Variants in ZFP90 observed in about 807,000 individuals in gnomAD.
The protein encoded by ZFP90 is zinc finger protein 90 homolog.
A neutral mutation model predicts 60.8 loss-of-function variants in ZFP90; 38 were observed. That is an observed-to-expected ratio of 0.62 (90% CI 0.48 to 0.82). ZFP90 has a LOEUF of 0.82. Among genes scored for constraint, ZFP90 ranks in the 40% least tolerant of loss-of-function variants. The pLI is 0.00. For missense variants in ZFP90, 711 were observed against 759.1 expected (o/e 0.94, Z 0.74); for synonymous variants, 287 against 264.8 (o/e 1.08, Z -0.82).
chr16:68,567,406 A>G (rs2091543906), downstream of ZFP90, among the ~76,000 whole-genome samples: 1 of 152,170 alleles, frequency 6.6e-6, no homozygotes, highest in Admixed American at 6.6e-5. Context: ...TATTGACTGT[A>G]GGAACCTAAA....
rs34979386 is a variant in ZFP90, at chr16:68,564,841, A to ATTTT, written c.*152_*155dup. On this transcript the variant is annotated 3_prime_UTR_variant, in exon 5 of 5. Transcript: ENST00000563169. ...TGTGGAGAAAACTGCCAGTAGACAG[A>ATTTT]TTTTTTTTTTTTAACATAAAGACAC... The ATTTT allele has an allele frequency of 0.032, 42,284 of 1,334,868 alleles. 68 individuals are homozygous for ATTTT. The highest frequency in any genetic ancestry group is 0.035 in the Non-Finnish European group (35,794 of 1,037,476). 82.7% of individuals were successfully genotyped at this position (1,334,868 alleles called of 1,614,324 possible).
intron 2 of ZFP90, among the ~76,000 whole-genome samples, chr16:68,540,410 T>C (rs1030002980): frequency 6.6e-6 from 1 of 152,112 alleles, no homozygotes; most frequent in African/African-American, 2.4e-5. Flanking sequence ...TTAACAAAAA[T>C]GTAATAGAGC....
At chr16:68,558,937 A>C (rs903889842) in intron 4 of ZFP90, among the ~76,000 whole-genome samples, 2 of 152,100 alleles carry the variant, frequency 1.3e-5, no homozygotes, top group South Asian at 4.1e-4. Context: ...ACTTGTAGGA[A>C]ACACCCACAG....
At chr16:68,554,388 C>T (rs543181476) in intron 2 of ZFP90, among the ~76,000 whole-genome samples, 38 of 152,162 alleles carry the variant, frequency 2.5e-4, no homozygotes, top group African/African-American at 7.7e-4. Context: ...GTGATCCACC[C>T]GCCTCAGCCC....
In ZFP90 at chr16:68,545,246, A is replaced by G. The variant is rs62059530; in HGVS notation, c.33+5421A>G. Among the ~76,000 whole-genome samples, 688 of 152,062 alleles carry G rather than the reference A, an allele frequency of 4.5e-3. 4 individuals carry two copies. The highest frequency in any genetic ancestry group is 0.034 in the Middle Eastern group (10 of 294). On this transcript the variant is annotated intron_variant, in intron 2 of 4. Coordinates refer to ENST00000563169, the MANE Select transcript of ZFP90 (RefSeq NM_001305203.2). ...GCATTTACCCAGCCTTCTCTGTACC[A>G]GGTTTTGTACTCTTTCAGAGTAAGG...
intron 4 of ZFP90, among the ~76,000 whole-genome samples, chr16:68,561,379 C>G (rs1352166454): frequency 6.6e-6 from 1 of 152,212 alleles, no homozygotes; most frequent in Non-Finnish European, 1.5e-5. Flanking sequence ...TGCAGCATAT[C>G]TTTTTCCTCA....
chr16:68,534,373 C>T (rs1377291902), upstream of ZFP90, among the ~76,000 whole-genome samples: 3 of 151,082 alleles, frequency 2.0e-5, no homozygotes, highest in South Asian at 4.2e-4. Flanking sequence ...GGACTACAGG[C>T]GCATGCCACC....
chr16:68,570,036 ATGTGTGTGTGTATACGTGTGTG>A (rs2091559492), downstream of ZFP90, among the ~76,000 whole-genome samples: 1 of 101,028 alleles, frequency 9.9e-6, no homozygotes, highest in African/African-American at 4.2e-5. Context: ...CTCAAATTAT[ATGTGTGTGTGTATACGTGTGTG>A]TGTGTGTGTG....
rs937644315 is a variant in ZFP90 at position 68,563,397 on chromosome 16, A to G, written c.610A>G (p.Ile204Val). 3 of 1,612,876 alleles carry G rather than the reference A, an allele frequency of 1.9e-6. No homozygotes were observed. The highest frequency in any genetic ancestry group is 1.7e-5 in the Admixed American group (1 of 59,710). ...TGCAGACTTACTTAATGAGAATAAT[A>G]TTCTTGCAAAAAAGAAACCCTATAA... is the stretch of plus-strand genomic sequence containing the variant. ...HNADLLNENNILAKKKPYKCD... is the reference protein window; with the variant it reads ...HNADLLNENNVLAKKKPYKCD... Residue 204 changes from isoleucine (I) to valine (V), a missense_variant, in exon 5 of 5, where the codon ATT (isoleucine) becomes GTT (valine). Ile to Val is a conservative substitution (Grantham distance 29, BLOSUM62 3). Coordinates refer to ENST00000563169, the MANE Select transcript of ZFP90 (RefSeq NM_001305203.2).
At chr16:68,534,614 A>T (rs1253154630), upstream of ZFP90, among the ~76,000 whole-genome samples, 1 of 151,438 alleles carries the variant, frequency 6.6e-6, no homozygotes, top group African/African-American at 2.4e-5. Flanking sequence ...TATTAAAATA[A>T]ATTTTTGACA....
At chr16:68,548,718 G>A (rs1038771581) in intron 2 of ZFP90, among the ~76,000 whole-genome samples, 52 of 152,084 alleles carry the variant, frequency 3.4e-4, no homozygotes, top group Non-Finnish European at 4.4e-4. Flanking sequence ...TCGAACTCCC[G>A]ACCTCAGGTG....
upstream of ZFP90, among the ~76,000 whole-genome samples, chr16:68,538,084 G>T (rs1302507199): frequency 6.6e-6 from 1 of 151,944 alleles, no homozygotes; most frequent in Non-Finnish European, 1.5e-5. Context: ...GGCTAATTTT[G>T]TATTTTTAGT....
At chr16:68,572,190 T>TC (rs34125249) in intron 2 of ZFP90, among the ~76,000 whole-genome samples, 1 of 151,506 alleles carries the variant, frequency 6.6e-6, no homozygotes, top group African/African-American at 2.4e-5. Flanking sequence ...TTTTTTTTTT[T>TC]CCATTTGGAA....
rs548839524 is a variant in ZFP90 at position 68,556,557 on chromosome 16, C to T, written c.34-1441C>T. ...TCATTCAGCAAGTATTTTTTAAGTGCCCACTAGGTGCCGGGCGTTGTTCTG... is the reference window on the plus strand; with the variant it reads ...TCATTCAGCAAGTATTTTTTAAGTGTCCACTAGGTGCCGGGCGTTGTTCTG... On this transcript the variant is annotated intron_variant, in intron 2 of 4. Coordinates refer to ENST00000563169, the MANE Select transcript of ZFP90 (RefSeq NM_001305203.2). Among the ~76,000 whole-genome samples, 24 of 152,254 alleles carry T rather than the reference C, an allele frequency of 1.6e-4. No homozygotes were observed. The South Asian group carries it at 4.8e-3, about 30-fold the overall frequency.
downstream of ZFP90, among the ~76,000 whole-genome samples, chr16:68,570,510 G>A (rs1439824007): frequency 6.6e-6 from 1 of 152,224 alleles, no homozygotes; most frequent in Admixed American, 6.5e-5. Flanking sequence ...CTCTGGAAAA[G>A]GGGTGGTAAT....
Position 68,558,394 on chromosome 16 carries a change from C to G in ZFP90, c.161-79C>G, listed in dbSNP as rs757120782. The G allele has an allele frequency of 2.0e-4, 268 of 1,316,340 alleles. 2 individuals carry two copies. Among genetic ancestry groups the G allele is most frequent in the Middle Eastern group, 1.1e-3 (6 of 5,534 alleles). The allele number at this position is 1,316,340 out of a possible 1,614,324, so 81.5% of individuals were successfully genotyped here. ...CTTCAGAGTTCCTGAGGATCAAGGA[C>G]TAGTACTGACTTGTCCTTAGGAGGG... is the stretch of plus-strand genomic sequence containing the variant. On this transcript the variant is annotated intron_variant, in intron 3 of 4. Coordinates refer to ENST00000563169, the MANE Select transcript of ZFP90 (RefSeq NM_001305203.2).
upstream of ZFP90, chr16:68,535,537 T>G (rs1749792): frequency 0.76 from 115,910 of 151,526 alleles, 44,406 homozygotes; most frequent in East Asian, 0.82. Flanking sequence ...TGGCAGTATC[T>G]TAACCAATGA....
Position 68,540,808 on chromosome 16 carries a change from C to CAAAGAAA in ZFP90, c.33+986_33+987insGAAAAAA, listed in dbSNP as rs1555497723. The stretch of plus-strand genomic sequence containing the variant: ...GCAACATAGTGAGACTCCGTCTCTG[C>CAAAGAAA]AAAAAAAAAAAAAAAAAAAAAATTT... On this transcript the variant is annotated intron_variant, in intron 2 of 4. Coordinates refer to ENST00000563169, the MANE Select transcript of ZFP90 (RefSeq NM_001305203.2). 4.3e-5 allele frequency among the ~76,000 whole-genome samples: 4 copies of CAAAGAAA among 92,646 alleles called. 1 individual carries two copies. Among genetic ancestry groups the CAAAGAAA allele is most frequent in the Non-Finnish European group, 8.0e-5 (4 of 50,254 alleles). 60.8% of individuals were successfully genotyped at this position (92,646 alleles called of 152,430 possible). A position where few individuals can be genotyped will look rare whatever the true frequency, so the allele number is the denominator to read the frequency against.
chr16:68,545,494 G>A (rs1234858662), intron 2 of ZFP90, among the ~76,000 whole-genome samples: 1 of 152,176 alleles, frequency 6.6e-6, no homozygotes, highest in Non-Finnish European at 1.5e-5. Flanking sequence ...TCTTTAGGAT[G>A]TTAGGATGTC....
Sources: allele counts gnomAD v4.1 joint callset (sites outside exome capture counted in the v4.1 genomes callset), GRCh38; gene constraint gnomAD v4.1.1; transcripts MANE v1.5; gene names NCBI Gene and HGNC (gene_info 2026-07-23, HGNC 2026-07-21).